The following SECISBP2 variants were observed in gnomAD, a reference collection of about 807,000 sequenced individuals.
SECISBP2 encodes the protein SECIS binding protein 2, also known as selenocysteine insertion sequence-binding protein 2.
A neutral mutation model predicts 98.2 loss-of-function variants in SECISBP2; 96 were observed. The ratio of observed to expected loss-of-function variants is 0.98; its 90% CI spans 0.83 to 1.16. SECISBP2 has a LOEUF of 1.16. Among genes scored for constraint, SECISBP2 ranks in the 50% most tolerant of loss-of-function variants. The pLI is 0.00. For missense variants in SECISBP2, 1,046 were observed against 1,022.9 expected, an observed-to-expected ratio of 1.02 and a Z score of -0.31; for synonymous variants, 407 against 370.2, an observed-to-expected ratio of 1.10 and a Z score of -1.14.
At position 89,358,204 on chromosome 9, in the gene SECISBP2, G is replaced by A. The variant is rs1832395750; in HGVS notation, c.2461+13G>A. On this transcript the variant is annotated intron_variant, in intron 16 of 16. Transcript: ENST00000375807. ...GAGCCACACTACAGTGAGTGCTTAA[G>A]GGAGAGTTGTGTCAGGTCGAGTGTC... The A allele has an allele frequency of 5.6e-6, 9 of 1,608,650 alleles. No homozygotes were observed. In the East Asian group the frequency reaches 2.0e-4, roughly 36 times the overall value.
At chr9:89,336,949 G>A (rs1828844399) in intron 7 of SECISBP2, among the ~76,000 whole-genome samples, 1 of 151,332 alleles carries the variant, frequency 6.6e-6, no homozygotes, top group Non-Finnish European at 1.5e-5. Context: ...TTTTTGTATT[G>A]TTTTAGTAGA....
rs374697608 is a variant in SECISBP2, at chr9:89,358,764, C to T, written c.2505C>T (p.Thr835=). Residue 835 remains threonine, a synonymous_variant, in exon 17 of 17, where the codon ACC becomes ACT. Transcript: ENST00000375807. ...ATCTGGAAGCATACAGTGGATGTAC[C>T]CTGGAGCTAGAAGAATCCTTGGAGG... ...KKHLEAYSGC[T]LELEESLEAS... is the part of the protein sequence containing the mutation. The T allele has an allele frequency of 9.3e-6, 15 of 1,613,796 alleles. No individual in the cohort carries two copies. The highest frequency in any genetic ancestry group is 1.3e-5 in the Non-Finnish European group (15 of 1,179,828).
intron 4 of SECISBP2, among the ~76,000 whole-genome samples, chr9:89,326,830 T>C (rs1189706643): frequency 6.6e-6 from 1 of 152,188 alleles, no homozygotes; most frequent in African/African-American, 2.4e-5. Context: ...GTACTGAATA[T>C]TGTAGGCAGT....
At chr9:89,355,234 G>C (rs1042501928) in intron 14 of SECISBP2, 25 of 985,296 alleles carry the variant, frequency 2.5e-5, no homozygotes, top group Non-Finnish European at 3.0e-5. Context: ...ATTGTAAACA[G>C]TTGTTGTTTT....
At chr9:89,325,712 T>TG in intron 3 of SECISBP2, 36 bp downstream of exon 3, 1 of 1,613,846 alleles carries the variant, frequency 6.2e-7, no homozygotes, top group East Asian at 2.2e-5. Context: ...GTCCTTTAGT[T>TG]GGTTGCTTTA....
intron 14 of SECISBP2, among the ~76,000 whole-genome samples, chr9:89,353,685 T>G (rs1207173851): frequency 6.6e-6 from 1 of 152,210 alleles, no homozygotes; most frequent in African/African-American, 2.4e-5. Flanking sequence ...TGCTGTTGTC[T>G]CTCACATTCT....
chr9:89,359,046 C>T lies in SECISBP2; in HGVS notation c.*222C>T. The T allele has an allele frequency of 1.8e-6, 1 of 557,968 alleles. No individual in the cohort carries two copies. The highest frequency in any genetic ancestry group is 3.2e-6 in the Non-Finnish European group (1 of 313,094). The allele number at this position is 557,968 out of a possible 1,614,324, so 34.6% of individuals were successfully genotyped here. A position where few individuals can be genotyped will look rare whatever the true frequency, so the allele number is the denominator to read the frequency against. ...TGCAGGTGTTAATCTTCTCTAAAAG[C>T]CTGGTGATACAGCTCTGGCTTTCTG... On this transcript the variant is annotated 3_prime_UTR_variant, in exon 17 of 17. Transcript: ENST00000375807.
chr9:89,357,292 T>G (rs1293433014), intron 14 of SECISBP2, 119 bp from the exon 15 acceptor site: 1 of 1,092,604 alleles, frequency 9.2e-7, no homozygotes, highest in Non-Finnish European at 1.4e-6. Flanking sequence ...CAGGGGCGTC[T>G]GCCTTGGATA....
At chr9:89,324,298 A>G (rs745317655) in intron 2 of SECISBP2, 15 of 152,250 alleles carry the variant, frequency 9.9e-5, no homozygotes, top group Non-Finnish European at 2.2e-4. Context: ...TGGACAGACA[A>G]AGGTCAGTAA....
chr9:89,349,465 CA>C (rs1218690414), intron 12 of SECISBP2, among the ~76,000 whole-genome samples: 1 of 152,184 alleles, frequency 6.6e-6, no homozygotes, highest in African/African-American at 2.4e-5. Context: ...TAAATTTGGC[CA>C]CTGAACTGCA....
At chr9:89,333,515 G>A (rs1348644040) in intron 6 of SECISBP2, among the ~76,000 whole-genome samples, 1 of 152,234 alleles carries the variant, frequency 6.6e-6, no homozygotes, top group Non-Finnish European at 1.5e-5. Context: ...ATCTGGCTCT[G>A]TAGATCTGCC....
chr9:89,349,905 A>G lies in SECISBP2; in HGVS notation c.1868A>G (p.Lys623Arg). The change falls in exon 13 of 17, where the codon AAG becomes AGG. Residue 623 changes from lysine (K) to arginine (R), a missense_variant. Lys to Arg is a conservative substitution (Grantham distance 26). Transcript: ENST00000375807. ...GCTCCCAATCACACCACCTTCCCTA[A>G]GATCCACAGCCGCAGATTCAGGGAG... ...HLAPNHTTFP[K>R]IHSRRFRDYC... The G allele has an allele frequency of 6.2e-7, 1 of 1,614,208 alleles. No homozygotes were observed. Among genetic ancestry groups the G allele is most frequent in the Admixed American group, 1.7e-5 (1 of 60,032 alleles).
intron 2 of SECISBP2, among the ~76,000 whole-genome samples, chr9:89,320,370 A>C (rs919098943): frequency 2.6e-5 from 4 of 151,836 alleles, no homozygotes; most frequent in Admixed American, 1.3e-4. Flanking sequence ...AAAAAAAAAA[A>C]AAAAAAAAAA....
At chr9:89,345,702 G>A (rs1269944871) in intron 10 of SECISBP2, among the ~76,000 whole-genome samples, 1 of 151,934 alleles carries the variant, frequency 6.6e-6, no homozygotes, top group Non-Finnish European at 1.5e-5. Flanking sequence ...TAGAGGGCTT[G>A]TGGCAGGTTT....
intron 11 of SECISBP2, 146 bp downstream of exon 11, chr9:89,347,194 C>T (rs1276820558): frequency 1.2e-6 from 1 of 822,204 alleles, no homozygotes; most frequent in Non-Finnish European, 2.0e-6. Context: ...GATACTCCAA[C>T]AAATGATCCC....
chr9:89,333,901 C>G, intron 6 of SECISBP2: 2 of 349,954 alleles, frequency 5.7e-6, no homozygotes, highest in Non-Finnish European at 8.1e-6. Context: ...ACAGGCTGCT[C>G]TGAGGATGTG....
Position 89,359,035 on chromosome 9 carries a change from T to C in SECISBP2, c.*211T>C. ...TCACTCAGATGTGCAGGTGTTAATC[T>C]TCTCTAAAAGCCTGGTGATACAGCT... On this transcript the variant is annotated 3_prime_UTR_variant, in exon 17 of 17. Coordinates refer to ENST00000375807, the MANE Select transcript of SECISBP2 (RefSeq NM_024077.5). 1 of 573,946 alleles carries C rather than the reference T, an allele frequency of 1.7e-6. No homozygotes were observed. The highest frequency in any genetic ancestry group is 2.0e-5 in the South Asian group (1 of 49,760). The allele number at this position is 573,946 out of a possible 1,614,324, so 35.6% of individuals were successfully genotyped here.
At chr9:89,322,284 G>A (rs1825941086) in intron 2 of SECISBP2, 1 of 152,258 alleles carries the variant, frequency 6.6e-6, no homozygotes, top group African/African-American at 2.4e-5. Flanking sequence ...ATTTACTGAT[G>A]TAATGAACAA....
intron 6 of SECISBP2, 128 bp downstream of exon 6, chr9:89,333,114 C>G: frequency 2.6e-6 from 2 of 775,012 alleles, no homozygotes; most frequent in South Asian, 2.9e-5. Flanking sequence ...TGTGGGTAAC[C>G]TAACATCAGT....
Sources: allele counts gnomAD v4.1 joint callset (sites outside exome capture counted in the v4.1 genomes callset), GRCh38; gene constraint gnomAD v4.1.1; transcripts MANE v1.5; gene names NCBI Gene and HGNC (gene_info 2026-07-23, HGNC 2026-07-21).